Variants in PALS2 observed in about 807,000 individuals in gnomAD.
The protein encoded by PALS2 is protein PALS2.
Under a neutral mutation model 61.6 loss-of-function variants are expected in PALS2, and 27 were observed. The observed-to-expected ratio is 0.44, with a 90% CI of 0.32 to 0.60. The LOEUF (loss-of-function observed/expected upper bound fraction) is 0.60, where lower values mean the gene tolerates loss of function less well. PALS2 is among the 20% of genes least tolerant of loss of function. The pLI is 0.05. For synonymous variants in PALS2, 236 were observed against 218.6 expected, an observed-to-expected ratio of 1.08 and a Z score of -0.70; for missense variants, 554 against 639.4, an observed-to-expected ratio of 0.87 and a Z score of 1.44.
At chr7:24,636,291 A>G (rs1420369073) in intron 2 of PALS2, among the ~76,000 whole-genome samples, 1 of 151,876 alleles carries the variant, frequency 6.6e-6, no homozygotes, top group Non-Finnish European at 1.5e-5. Flanking sequence ...TGTTCCCACT[A>G]GAAAAAATAT....
intron 1 of PALS2, among the ~76,000 whole-genome samples, chr7:24,605,327 C>G (rs1379033664): frequency 3.9e-5 from 6 of 152,134 alleles, no homozygotes; most frequent in African/African-American, 1.4e-4. Context: ...CCATGTTCCT[C>G]AGACGCTAAA....
intron 8 of PALS2, 106 bp from the exon 9 acceptor site, chr7:24,668,393 G>A: frequency 9.7e-7 from 1 of 1,033,366 alleles, no homozygotes; most frequent in Non-Finnish European, 1.4e-6. Context: ...CAAGTCAAGT[G>A]ATATTTAACT....
At chr7:24,605,083 G>A (rs1167130194) in intron 1 of PALS2, among the ~76,000 whole-genome samples, 1 of 152,106 alleles carries the variant, frequency 6.6e-6, no homozygotes, top group East Asian at 1.9e-4. Flanking sequence ...TTTTATATTT[G>A]CTTTTTTGCA....
At chr7:24,685,199 A>G (rs1584015929) in intron 11 of PALS2, among the ~76,000 whole-genome samples, 1 of 152,052 alleles carries the variant, frequency 6.6e-6, no homozygotes, top group Non-Finnish European at 1.5e-5. Context: ...ACTAGATATT[A>G]TCTTCTTTTA....
intron 6 of PALS2, 61 bp from the exon 7 acceptor site, chr7:24,665,527 T>G: frequency 1.4e-6 from 2 of 1,476,658 alleles, no homozygotes; most frequent in South Asian, 2.3e-5. Flanking sequence ...TTGTCTTACT[T>G]AATAGAATAT....
chr7:24,613,305 C>A (rs1231737205), intron 1 of PALS2, among the ~76,000 whole-genome samples: 1 of 151,412 alleles, frequency 6.6e-6, no homozygotes, highest in Non-Finnish European at 1.5e-5. Flanking sequence ...TTACTTCTTT[C>A]TTTGATAATT....
At position 24,691,405 on chromosome 7, in the gene PALS2, GTATATATATATATATATATATATATA is replaced by G. The variant is rs70942878; in HGVS notation, c.*3806_*3831del. ...ATATTATGTATGTGTGTGTGTGTGT[GTATATATATATATATATATATATATA>G]TATATATATATATACAGCTATGTGT... On this transcript the variant is annotated 3_prime_UTR_variant, in exon 12 of 12. Coordinates refer to ENST00000222644, the MANE Select transcript of PALS2 (RefSeq NM_001303037.2). The G allele has an allele frequency of 1.8e-5, 2 of 110,596 alleles. No individual in the cohort carries two copies. The highest frequency in any genetic ancestry group is 3.8e-5 in the Non-Finnish European group (2 of 52,308). 6.9% of individuals were successfully genotyped at this position (110,596 alleles called of 1,614,324 possible). A position where few individuals can be genotyped will look rare whatever the true frequency, so the allele number is the denominator to read the frequency against.
chr7:24,637,378 C>T (rs1461810957), intron 2 of PALS2, among the ~76,000 whole-genome samples: 2 of 150,104 alleles, frequency 1.3e-5, no homozygotes, highest in Non-Finnish European at 3.0e-5. Flanking sequence ...TTGAGTTCTC[C>T]ATTCTCTCTG....
chr7:24,658,615 G>T (rs1375041626), intron 5 of PALS2, among the ~76,000 whole-genome samples: 5 of 150,212 alleles, frequency 3.3e-5, no homozygotes, highest in Admixed American at 3.3e-4. Flanking sequence ...GGAGTGCAGT[G>T]GCACGATCTC....
rs1226681572 is a variant in PALS2, at chr7:24,648,911, G to GA, written c.271-690dup. Among the ~76,000 whole-genome samples, 206 of 139,228 alleles carry GA rather than the reference G, an allele frequency of 1.5e-3. 2 individuals carry two copies. Among genetic ancestry groups the GA allele is most frequent in the Middle Eastern group, 3.6e-3 (1 of 274 alleles). The allele number at this position is 139,228 out of a possible 152,430, so 91.3% of individuals were successfully genotyped here. A position where few individuals can be genotyped will look rare whatever the true frequency, so the allele number is the denominator to read the frequency against. On this transcript the variant is annotated intron_variant, in intron 3 of 11. Transcript: ENST00000222644. The stretch of plus-strand genomic sequence containing the variant: ...CAGAGTGAGACTCTGTCTCAAAAAA[G>GA]AAAAAAAAAAAGCAATTCCTAGAAA...
rs70942878 is a variant in PALS2, at chr7:24,691,405, G to GTATATATA, written c.*3824_*3831dup. On this transcript the variant is annotated 3_prime_UTR_variant, in exon 12 of 12. Transcript: ENST00000222644. The stretch of plus-strand genomic sequence containing the variant: ...ATATTATGTATGTGTGTGTGTGTGT[G>GTATATATA]TATATATATATATATATATATATAT... 400 of 110,492 alleles carry GTATATATA rather than the reference G, an allele frequency of 3.6e-3. 3 individuals are homozygous for GTATATATA. Among genetic ancestry groups the GTATATATA allele is most frequent in the Non-Finnish European group, 6.0e-3 (313 of 52,228 alleles). 6.8% of individuals were successfully genotyped at this position (110,492 alleles called of 1,614,324 possible).
In PALS2 at chr7:24,691,405, G is replaced by GTGTGTGTGTGTGTGTGTATATATATA. The variant is rs1274329385; in HGVS notation, c.*3792_*3793insGTGTGTGTGTGTGTGTATATATATAT. On this transcript the variant is annotated 3_prime_UTR_variant, in exon 12 of 12. Transcript: ENST00000222644. ...ATATTATGTATGTGTGTGTGTGTGT[G>GTGTGTGTGTGTGTGTGTATATATATA]TATATATATATATATATATATATAT... The GTGTGTGTGTGTGTGTGTATATATATA allele has an allele frequency of 9.0e-6, 1 of 110,596 alleles. No individual in the cohort carries two copies. Among genetic ancestry groups the GTGTGTGTGTGTGTGTGTATATATATA allele is most frequent in the South Asian group, 3.3e-4 (1 of 3,030 alleles). 6.9% of individuals were successfully genotyped at this position (110,596 alleles called of 1,614,324 possible).
chr7:24,668,350 A>T, intron 8 of PALS2, 149 bp from the exon 9 acceptor site: 1 of 681,424 alleles, frequency 1.5e-6, no homozygotes, highest in South Asian at 2.4e-5. Flanking sequence ...TACTTTACCA[A>T]ATTTGTAAAA....
rs1353108773 is a variant in PALS2, at chr7:24,687,372, A to G, written c.1447-66A>G. On this transcript the variant is annotated intron_variant, in intron 11 of 11. Transcript: ENST00000222644. This position sits in a 1 kb window ranked among gnomAD's most constrained non-coding sequence, Gnocchi z 4.5. ...TAACCTATTTATTATATTCACTTCT[A>G]GTTGGAGTTTGAGCAAGTAAATATG... 1 of 1,189,378 alleles carries G rather than the reference A, an allele frequency of 8.4e-7. No homozygotes were observed. Among genetic ancestry groups the G allele is most frequent in the Non-Finnish European group, 1.2e-6 (1 of 822,636 alleles). 73.7% of individuals were successfully genotyped at this position (1,189,378 alleles called of 1,614,324 possible). A position where few individuals can be genotyped will look rare whatever the true frequency, so the allele number is the denominator to read the frequency against.
In PALS2 at chr7:24,596,066, A is replaced by G. The variant is rs76939541; in HGVS notation, c.-3+22473A>G. On this transcript the variant is annotated intron_variant, in intron 1 of 11. Transcript: ENST00000222644. The surrounding 1 kb of genome is among the most constrained non-coding windows in gnomAD (Gnocchi z 4.5). ...AAGGCGCTAAGCGGCCATGGTCAAG[A>G]GTGTGGCTAGTTTTCTAAGTACAGT... Among the ~76,000 whole-genome samples the G allele has an allele frequency of 0.067, 10,144 of 152,054 alleles. 403 individuals are homozygous for G. The highest frequency in any genetic ancestry group is 0.11 in the African/African-American group (4,379 of 41,472).
intron 8 of PALS2, among the ~76,000 whole-genome samples, chr7:24,668,095 G>A (rs1469244909): frequency 1.3e-5 from 2 of 151,820 alleles, no homozygotes; most frequent in Non-Finnish European, 2.9e-5. Context: ...GAGGCAGCAG[G>A]ATCATTTGAG....
At position 24,650,603 on chromosome 7, in the gene PALS2, A is replaced by G. The variant is rs774075238; in HGVS notation, c.542A>G (p.His181Arg). 1.1e-5 allele frequency: 18 copies of G among 1,612,344 alleles called. No individual in the cohort carries two copies. Among genetic ancestry groups the G allele is most frequent in the East Asian group, 2.2e-5 (1 of 44,820 alleles). ...GATATAATTAAAGAAGTCAATGGCC[A>G]TGAGGTTGGAAATAATCCAAAGGAA... ...VGDIIKEVNG[H>R]EVGNNPKELQ... is the part of the protein sequence containing the mutation. Residue 181 changes from histidine (H) to arginine (R), a missense_variant, in exon 5 of 12, where the codon CAT (histidine) becomes CGT (arginine). Transcript: ENST00000222644.
At chr7:24,620,178 C>G (rs1784441828) in intron 1 of PALS2, 1 of 152,178 alleles carries the variant, frequency 6.6e-6, no homozygotes, top group Non-Finnish European at 1.5e-5. Flanking sequence ...GGAGAGATTT[C>G]TGTAAGAAGG....
At chr7:24,664,209 T>C (rs1786897055) in intron 6 of PALS2, among the ~76,000 whole-genome samples, 1 of 152,184 alleles carries the variant, frequency 6.6e-6, no homozygotes, top group African/African-American at 2.4e-5. Flanking sequence ...AAATGGAGGT[T>C]CACTCTATCA....
Sources: gnomAD v4.1 joint callset for allele counts (sites outside exome capture counted in the v4.1 genomes callset) on GRCh38, gnomAD v4.1.1 for gene constraint, Gnocchi (gnomAD v3.1) non-coding constraint, MANE v1.5 for transcripts, NCBI Gene and HGNC (gene_info 2026-07-23, HGNC 2026-07-21) for gene names.